SYNJ2: variants seen among roughly 807,000 people sequenced by gnomAD.
SYNJ2 encodes the protein polyphosphatidylinositol phosphatase SYNJ2.
Under a neutral mutation model 141.3 loss-of-function variants are expected in SYNJ2, and 116 were observed. The ratio of observed to expected loss-of-function variants is 0.82; its 90% CI spans 0.71 to 0.96. The LOEUF (loss-of-function observed/expected upper bound fraction) is 0.96. SYNJ2 is among the 40% of genes least tolerant of loss of function. The probability of loss-of-function intolerance (pLI) is 0.00; values close to 1 mark genes in which losing one functional copy is unlikely to be tolerated. For missense variants in SYNJ2, 1,873 were observed against 1,934.8 expected (o/e 0.97, Z 0.60); for synonymous variants, 745 against 777.7 (o/e 0.96, Z 0.70).
At chr6:157,986,219 C>T (rs965412626) in intron 1 of SYNJ2, among the ~76,000 whole-genome samples, 1 of 152,226 alleles carries the variant, frequency 6.6e-6, no homozygotes, top group African/African-American at 2.4e-5. Flanking sequence ...ACTAGAGCAG[C>T]GACCCGGGAC....
rs1781471917 is a variant in SYNJ2 at position 158,064,960 on chromosome 6, G to A, written c.1494G>A (p.Gly498=). 2 of 1,608,232 alleles carry A rather than the reference G, an allele frequency of 1.2e-6. No individual in the cohort carries two copies. The highest frequency in any genetic ancestry group is 2.2e-5 in the East Asian group (1 of 44,694). The change falls in exon 11 of 27, where the codon GGG becomes GGA. Residue 498 remains glycine, a synonymous_variant. Transcript: ENST00000355585. ...DVYGEEVADK[G]GMLLDSTALL... ...ACGGCGAGGAGGTGGCAGACAAAGG[G>A]GGCATGCTGCTGGACAGCACGGCGC...
chr6:158,078,222 C>T lies in SYNJ2; in HGVS notation c.2508C>T (p.Thr836=), dbSNP rs1184704726. ...DLDVDTKVRH[T]WSPGALQYYG... ...ATGTTGACACCAAAGTCAGACACAC[C>T]TGGTCTCCTGGTGCCCTGCAGTATT... Residue 836 remains threonine, a synonymous_variant, in exon 18 of 27, where the codon ACC becomes ACT. Transcript: ENST00000355585. 3.1e-6 allele frequency: 5 copies of T among 1,613,982 alleles called. No homozygotes were observed. In the African/African-American group the frequency reaches 5.3e-5, roughly 17 times the overall value.
chr6:158,015,625 A>G (rs910088315), intron 1 of SYNJ2, among the ~76,000 whole-genome samples: 6 of 152,234 alleles, frequency 3.9e-5, no homozygotes, highest in East Asian at 1.9e-4. Context: ...TTGCAATTAC[A>G]GATGTCTCCA....
At position 157,996,223 on chromosome 6, in the gene SYNJ2, C is replaced by CGCCCCTTCCTTCCTCA. The variant is rs566634186; in HGVS notation, c.127+14139_127+14154dup. 2.9e-3 allele frequency among the ~76,000 whole-genome samples: 439 copies of CGCCCCTTCCTTCCTCA among 152,232 alleles called. 3 individuals carry two copies. Among genetic ancestry groups the CGCCCCTTCCTTCCTCA allele is most frequent in the African/African-American group, 0.01 (420 of 41,518 alleles). ...AATAAAAGCCTGTGAGTCATTCTGA[C>CGCCCCTTCCTTCCTCA]GCCCCTTCCTTCCTCAGCCTCATCC... On this transcript the variant is annotated intron_variant, in intron 1 of 26. Coordinates refer to ENST00000355585, the MANE Select transcript of SYNJ2 (RefSeq NM_003898.4).
chr6:158,059,375 C>T, intron 7 of SYNJ2, 22 bp downstream of exon 7: 3 of 1,548,528 alleles, frequency 1.9e-6, no homozygotes, highest in East Asian at 2.4e-5. Flanking sequence ...CTGTCCTCTC[C>T]ACAGCTGGGC....
chr6:158,088,924 T>A, intron 24 of SYNJ2, 152 bp downstream of exon 24: 1 of 610,184 alleles, frequency 1.6e-6, no homozygotes, highest in Non-Finnish European at 2.9e-6. Context: ...TCCTCGCAGG[T>A]TCTCCATAGG....
intron 5 of SYNJ2, among the ~76,000 whole-genome samples, chr6:158,052,285 A>G (rs1047922740): frequency 6.6e-6 from 1 of 152,254 alleles, no homozygotes; most frequent in Non-Finnish European, 1.5e-5. Flanking sequence ...GAACTCCCAT[A>G]TGTCCTTCAC....
At chr6:157,991,989 A>AT (rs1777443165) in intron 1 of SYNJ2, among the ~76,000 whole-genome samples, 1 of 152,206 alleles carries the variant, frequency 6.6e-6, no homozygotes, top group African/African-American at 2.4e-5. Flanking sequence ...TAAAATTTTT[A>AT]TTTTTTTGTG....
intron 7 of SYNJ2, among the ~76,000 whole-genome samples, chr6:158,061,241 G>A (rs957274775): frequency 6.6e-6 from 1 of 152,264 alleles, no homozygotes; most frequent in Non-Finnish European, 1.5e-5. Context: ...GAAGCCACAA[G>A]GGCATGAGTG....
intron 18 of SYNJ2, 64 bp downstream of exon 18, chr6:158,078,345 A>T (rs1049475876): frequency 4.6e-6 from 5 of 1,078,130 alleles, no homozygotes; most frequent in Non-Finnish European, 5.7e-6. Context: ...CCCTCTCCGC[A>T]GGAAAATGCA....
At position 158,045,944 on chromosome 6, in the gene SYNJ2, T is replaced by C. The variant is rs184598893; in HGVS notation, c.795+2545T>C. On this transcript the variant is annotated intron_variant, in intron 5 of 26. Coordinates refer to ENST00000355585, the MANE Select transcript of SYNJ2 (RefSeq NM_003898.4). ...TCCATGGTTTCTTCTTTTTGTTTCT[T>C]GTTTTGTTTTGTTTTTGAGACGAAG... Among the ~76,000 whole-genome samples the C allele has an allele frequency of 2.9e-4, 44 of 152,012 alleles. 1 individual carries two copies. Among genetic ancestry groups the C allele is most frequent in the Middle Eastern group, 6.8e-3 (2 of 294 alleles).
chr6:158,042,276 A>G lies in SYNJ2; in HGVS notation c.712-1040A>G, dbSNP rs1366772165. On this transcript the variant is annotated intron_variant, in intron 4 of 26. Transcript: ENST00000355585. ...GCTTTTTTCCTTTGGAGATTAAGGG[A>G]TAGTATTCCAGTTTGACAATGTAGA... 2.0e-5 allele frequency among the ~76,000 whole-genome samples: 3 copies of G among 152,236 alleles called. No homozygotes were observed. In the East Asian group the frequency reaches 5.8e-4, roughly 29 times the overall value.
At chr6:157,996,020 A>C (rs1222395849) in intron 1 of SYNJ2, among the ~76,000 whole-genome samples, 2 of 152,224 alleles carry the variant, frequency 1.3e-5, no homozygotes, top group Non-Finnish European at 1.5e-5. Context: ...GTTCCTCTCC[A>C]GTTAATCTGG....
chr6:158,076,731 T>C lies in SYNJ2; in HGVS notation c.2398T>C (p.Trp800Arg). The C allele has an allele frequency of 6.2e-7, 1 of 1,614,194 alleles. No homozygotes were observed. Among genetic ancestry groups the C allele is most frequent in the Non-Finnish European group, 8.5e-7 (1 of 1,180,022 alleles). Residue 800 changes from tryptophan to arginine, a missense_variant, in exon 17 of 27, where the codon TGG (tryptophan) becomes CGG (arginine). Physicochemically the swap from Trp to Arg is moderately radical, Grantham distance 101. Transcript: ENST00000355585. Reference protein sequence around the residue: ...DTSDKCRTPAWTDRVLWWRKK... With the variant: ...DTSDKCRTPARTDRVLWWRKK... ...AAGCGACAAATGCCGCACCCCCGCC[T>C]GGACAGACAGGGTGCTGTGGTGGAG...
intron 17 of SYNJ2, among the ~76,000 whole-genome samples, chr6:158,077,368 C>G (rs1750042): frequency 0.1 from 15,636 of 152,156 alleles, 872 homozygotes; most frequent in Non-Finnish European, 0.11. Flanking sequence ...ACAGCTCCCC[C>G]CCACACCCCC....
Position 158,062,027 on chromosome 6 carries a change from G to T in SYNJ2, c.990G>T (p.Thr330=), listed in dbSNP as rs750486579. The stretch of plus-strand genomic sequence containing the variant: ...GGGCTTCTTGCCACGCGGGCGACAC[G>T]CCTATGATCAATTTTGACTTCCATC... The part of the protein sequence containing the change: ...LLWASCHAGD[T]PMINFDFHQF... Residue 330 remains threonine, a synonymous_variant, in exon 8 of 27, where the codon ACG becomes ACT. Transcript: ENST00000355585. The T allele has an allele frequency of 1.2e-6, 2 of 1,613,944 alleles. No homozygotes were observed. The highest frequency in any genetic ancestry group is 1.7e-6 in the Non-Finnish European group (2 of 1,180,028).
At chr6:157,993,111 A>G (rs1777512429) in intron 1 of SYNJ2, among the ~76,000 whole-genome samples, 1 of 150,364 alleles carries the variant, frequency 6.7e-6, no homozygotes. Flanking sequence ...ATAGTATATA[A>G]CATATATAGT....
At chr6:158,061,513 G>A (rs1443960230) in intron 7 of SYNJ2, among the ~76,000 whole-genome samples, 1 of 152,206 alleles carries the variant, frequency 6.6e-6, no homozygotes, top group Non-Finnish European at 1.5e-5. Context: ...CTGGAGACTT[G>A]GTCTCTTCAG....
Position 158,026,439 on chromosome 6 carries a change from C to T in SYNJ2, c.215-2317C>T, listed in dbSNP as rs549743285. On this transcript the variant is annotated intron_variant, in intron 2 of 26. Transcript: ENST00000355585. ...TTGCGGTGGGCGGGAGGATGGAGTC[C>T]GCGCCTGTACAGCTCCCCTGCCTCC... Among the ~76,000 whole-genome samples, 14 of 152,164 alleles carry T rather than the reference C, an allele frequency of 9.2e-5. No individual in the cohort carries two copies. The South Asian group carries it at 1.5e-3, about 16-fold the overall frequency.
Sources: gnomAD v4.1 joint callset for allele counts (sites outside exome capture counted in the v4.1 genomes callset) on GRCh38, gnomAD v4.1.1 for gene constraint, MANE v1.5 for transcripts, NCBI Gene and HGNC (gene_info 2026-07-23, HGNC 2026-07-21) for gene names.